SBSPON: variants seen among roughly 807,000 people sequenced by gnomAD.
The protein encoded by SBSPON is somatomedin-B and thrombospondin type-1 domain-containing protein.
In SBSPON, 30 loss-of-function variants were observed where a neutral mutation model predicts 35.8. The observed-to-expected ratio is 0.84, with a 90% confidence interval of 0.63 to 1.14. The LOEUF is 1.14. SBSPON is among the 50% of genes most tolerant of loss of function. The pLI, the probability that SBSPON is intolerant of heterozygous loss-of-function variation, is 0.00. For missense variants in SBSPON, 364 were observed against 357.7 expected, an observed-to-expected ratio of 1.02 and a Z score of -0.14; for synonymous variants, 136 against 135.9, an observed-to-expected ratio of 1.00 and a Z score of 0.00.
rs1810389821 is a variant in SBSPON, at chr8:73,066,501, TAGTG to T, written c.*836_*839del. 6.6e-6 allele frequency: 1 copy of T among 152,058 alleles called. No homozygotes were observed. Among genetic ancestry groups the T allele is most frequent in the African/African-American group, 2.4e-5 (1 of 41,384 alleles). The allele number at this position is 152,058 out of a possible 1,614,324, so 9.4% of individuals were successfully genotyped here. On this transcript the variant is annotated 3_prime_UTR_variant, in exon 5 of 5. Transcript: ENST00000297354. ...GAAAATGCATGCGGTAGGAAAAAAA[TAGTG>T]AGCTTACATCAACTAAACTTGAAGC... is the stretch of plus-strand genomic sequence containing the variant.
Position 73,069,789 on chromosome 8 carries a change from T to G in SBSPON, c.677+16A>C. On this transcript the variant is annotated intron_variant, in intron 4 of 4. Coordinates refer to ENST00000297354, the MANE Select transcript of SBSPON (RefSeq NM_153225.4). ...TGAGTGACAAGAAAAGTACTTCAGTTAATTTCCATTCTTACCCATCGGAGT... is the reference window on the plus strand; with the variant it reads ...TGAGTGACAAGAAAAGTACTTCAGTGAATTTCCATTCTTACCCATCGGAGT... 6.2e-7 allele frequency: 1 copy of G among 1,607,330 alleles called. No individual in the cohort carries two copies. Among genetic ancestry groups the G allele is most frequent in the Non-Finnish European group, 8.5e-7 (1 of 1,173,820 alleles).
At position 73,085,785 on chromosome 8, in the gene SBSPON, A is replaced by T. The variant is rs575337221; in HGVS notation, c.215-4572T>A. 2.6e-5 allele frequency: 4 copies of T among 152,276 alleles called. No individual in the cohort carries two copies. In the South Asian group the frequency reaches 8.3e-4, roughly 32 times the overall value. 9.4% of individuals were successfully genotyped at this position (152,276 alleles called of 1,614,324 possible). A position where few individuals can be genotyped will look rare whatever the true frequency, so the allele number is the denominator to read the frequency against. On this transcript the variant is annotated intron_variant, in intron 1 of 4. Transcript: ENST00000297354. ...AATGAGCCGACAGCCAGAGCCATTC[A>T]TTTTATAAAGAGAGTTTGGACTATT... is the stretch of plus-strand genomic sequence containing the variant.
intron 2 of SBSPON, chr8:73,074,699 A>G (rs1350964110): frequency 2.6e-6 from 1 of 379,416 alleles, no homozygotes; most frequent in East Asian, 1.7e-4. Context: ...CTCTATGTGA[A>G]GTCAGATTTA....
At chr8:73,087,994 C>G (rs1810866533) in intron 1 of SBSPON, among the ~76,000 whole-genome samples, 1 of 152,196 alleles carries the variant, frequency 6.6e-6, no homozygotes, top group Admixed American at 6.5e-5. Flanking sequence ...TGGTAAGGCA[C>G]AGCCAGTGGA....
rs995778422 is a variant in SBSPON, at chr8:73,065,911, A to G, written c.*1430T>C. On this transcript the variant is annotated 3_prime_UTR_variant, in exon 5 of 5. Coordinates refer to ENST00000297354, the MANE Select transcript of SBSPON (RefSeq NM_153225.4). ...AGTTGCTAGCCTTGATGAGACTCAC[A>G]TATTTTATTATTAATTTCTGAAGAA... 2.0e-5 allele frequency: 3 copies of G among 152,200 alleles called. No homozygotes were observed. Among genetic ancestry groups the G allele is most frequent in the African/African-American group, 2.4e-5 (1 of 41,450 alleles). 9.4% of individuals were successfully genotyped at this position (152,200 alleles called of 1,614,324 possible).
At chr8:73,074,295 A>G (rs1037883262) in intron 2 of SBSPON, among the ~76,000 whole-genome samples, 1 of 152,216 alleles carries the variant, frequency 6.6e-6, no homozygotes, top group Admixed American at 6.5e-5. Flanking sequence ...AGTGGAAGGA[A>G]AACATAAATA....
At position 73,093,087 on chromosome 8, in the gene SBSPON, C is replaced by T; in HGVS notation, c.-20G>A. Reference sequence around the variant, plus strand: ...CCTCATGGCCAGGGCTCCGGCGGCGCCTGCGACGCGACAGACCCCCGGGGC... The same window carrying T: ...CCTCATGGCCAGGGCTCCGGCGGCGTCTGCGACGCGACAGACCCCCGGGGC... On this transcript the variant is annotated 5_prime_UTR_variant, in exon 1 of 5. Coordinates refer to ENST00000297354, the MANE Select transcript of SBSPON (RefSeq NM_153225.4). 1.5e-6 allele frequency: 2 copies of T among 1,295,156 alleles called. No individual in the cohort carries two copies. Among genetic ancestry groups the T allele is most frequent in the Non-Finnish European group, 2.0e-6 (2 of 1,019,554 alleles). The allele number at this position is 1,295,156 out of a possible 1,614,324, so 80.2% of individuals were successfully genotyped here.
chr8:73,092,640 G>A (rs1374712430), intron 1 of SBSPON, among the ~76,000 whole-genome samples: 3 of 152,164 alleles, frequency 2.0e-5, no homozygotes, highest in African/African-American at 7.2e-5. Flanking sequence ...TCTGTCTTGG[G>A]GGTGGGGGGA....
intron 2 of SBSPON, among the ~76,000 whole-genome samples, chr8:73,077,697 G>A (rs756708287): frequency 4.6e-5 from 7 of 152,212 alleles, no homozygotes; most frequent in Non-Finnish European, 8.8e-5. Flanking sequence ...GAGAATCCAC[G>A]AAATTGGATG....
intron 1 of SBSPON, among the ~76,000 whole-genome samples, chr8:73,084,730 C>T (rs569316066): frequency 6.7e-5 from 10 of 149,418 alleles, no homozygotes; most frequent in South Asian, 2.1e-4. Context: ...TTCTAGTCTT[C>T]GCCTAGCCCC....
chr8:73,077,844 A>G (rs1230910851), intron 2 of SBSPON, among the ~76,000 whole-genome samples: 1 of 152,204 alleles, frequency 6.6e-6, no homozygotes, highest in African/African-American at 2.4e-5. Context: ...ATTAAGTGGG[A>G]AGACACTGCA....
chr8:73,080,995 C>A, intron 2 of SBSPON, 24 bp downstream of exon 2: 1 of 1,530,244 alleles, frequency 6.5e-7, no homozygotes, highest in Non-Finnish European at 8.8e-7. Flanking sequence ...ATAACAAAGG[C>A]AGCAACCATG....
intron 3 of SBSPON, 96 bp downstream of exon 3, chr8:73,071,680 TAGAA>T: frequency 7.2e-6 from 5 of 693,660 alleles, no homozygotes; most frequent in Admixed American, 2.8e-5. Flanking sequence ...AAAGAGCAAG[TAGAA>T]AGAAGAAGAA....
At chr8:73,073,608 C>G (rs1027396138) in intron 2 of SBSPON, among the ~76,000 whole-genome samples, 2 of 152,076 alleles carry the variant, frequency 1.3e-5, no homozygotes, top group Non-Finnish European at 2.9e-5. Flanking sequence ...GAGATCAAGA[C>G]CAGCCTGGCC....
intron 3 of SBSPON, among the ~76,000 whole-genome samples, chr8:73,071,210 T>G (rs1415319830): frequency 6.6e-6 from 1 of 152,140 alleles, no homozygotes; most frequent in Non-Finnish European, 1.5e-5. Context: ...CAACCTCATG[T>G]GGTAGGTTAT....
Position 73,064,881 on chromosome 8 carries a change from C to A in SBSPON, c.*2460G>T, listed in dbSNP as rs1394076827. 6.6e-6 allele frequency: 1 copy of A among 151,960 alleles called. No individual in the cohort carries two copies. Among genetic ancestry groups the A allele is most frequent in the Non-Finnish European group, 1.5e-5 (1 of 68,018 alleles). The allele number at this position is 151,960 out of a possible 1,614,324, so 9.4% of individuals were successfully genotyped here. A position where few individuals can be genotyped will look rare whatever the true frequency, so the allele number is the denominator to read the frequency against. ...ATTTTCCATGAGCACTTTTGAAAAT[C>A]AGTCTATTAAGGGATTTTAGAGTTC... On this transcript the variant is annotated 3_prime_UTR_variant, in exon 5 of 5. Coordinates refer to ENST00000297354, the MANE Select transcript of SBSPON (RefSeq NM_153225.4).
chr8:73,078,028 TG>T (rs1810625474), intron 2 of SBSPON, among the ~76,000 whole-genome samples: 1 of 152,202 alleles, frequency 6.6e-6, no homozygotes, highest in Non-Finnish European at 1.5e-5. Context: ...TTCAGGAAAG[TG>T]CTGATTAGGT....
intron 1 of SBSPON, among the ~76,000 whole-genome samples, chr8:73,092,520 C>T (rs1563493335): frequency 6.6e-6 from 1 of 152,204 alleles, no homozygotes; most frequent in East Asian, 1.9e-4. Flanking sequence ...TCTCTGCCGG[C>T]CAGAGGTGGC....
Position 73,089,350 on chromosome 8 carries a change from T to C in SBSPON, c.214+3504A>G, listed in dbSNP as rs561974053. Among the ~76,000 whole-genome samples the C allele has an allele frequency of 3.7e-4, 57 of 152,226 alleles. No homozygotes were observed. In the South Asian group the frequency reaches 0.012, roughly 31 times the overall value. On this transcript the variant is annotated intron_variant, in intron 1 of 4. Coordinates refer to ENST00000297354, the MANE Select transcript of SBSPON (RefSeq NM_153225.4). Reference sequence around the variant, plus strand: ...AGGTGGATCACTTGAGGTCAGGAGATTGAAACCAGCCTGGCCAACATGGTG... The same window carrying C: ...AGGTGGATCACTTGAGGTCAGGAGACTGAAACCAGCCTGGCCAACATGGTG...
Sources: gnomAD v4.1 joint callset for allele counts (sites outside exome capture counted in the v4.1 genomes callset) on GRCh38, gnomAD v4.1.1 for gene constraint, MANE v1.5 for transcripts, NCBI Gene and HGNC (gene_info 2026-07-23, HGNC 2026-07-21) for gene names.